Variants in RDX observed in about 807,000 individuals in gnomAD.
The protein encoded by RDX is deafness, autosomal recessive 24.
In RDX, 32 loss-of-function variants were observed where a neutral mutation model predicts 83.7. The ratio of observed to expected loss-of-function variants is 0.38; its 90% CI spans 0.29 to 0.51. RDX has a LOEUF of 0.51. RDX is among the 20% of genes least tolerant of loss of function. The pLI is 0.87. For missense variants in RDX, 600 were observed against 689.9 expected (o/e 0.87, Z 1.46); for synonymous variants, 229 against 222.7 (o/e 1.03, Z -0.25).
chr11:110,247,314 T>A (rs183787396), intron 10 of RDX, among the ~76,000 whole-genome samples: 2 of 152,334 alleles, frequency 1.3e-5, no homozygotes, highest in East Asian at 3.9e-4. Context: ...ATTACTTTAA[T>A]TACTTAAATG....
intron 10 of RDX, among the ~76,000 whole-genome samples, chr11:110,245,150 C>T (rs1167451369): frequency 6.6e-6 from 1 of 152,142 alleles, no homozygotes; most frequent in Non-Finnish European, 1.5e-5. Flanking sequence ...TTACACTCCA[C>T]CGTGTTGGCC....
At chr11:110,242,632 C>T (rs749064261) in intron 10 of RDX, among the ~76,000 whole-genome samples, 5 of 151,972 alleles carry the variant, frequency 3.3e-5, no homozygotes, top group Non-Finnish European at 7.4e-5. Context: ...TGAAAAATGA[C>T]AGATAAGGCA....
At chr11:110,224,094 CA>C (rs1402280987) in intron 14 of RDX, among the ~76,000 whole-genome samples, 1 of 151,964 alleles carries the variant, frequency 6.6e-6, no homozygotes, top group Non-Finnish European at 1.5e-5. Context: ...AGAGTTGTCA[CA>C]GCCAGGAAAT....
chr11:110,263,004 G>C (rs144184879), intron 5 of RDX, among the ~76,000 whole-genome samples: 1 of 152,312 alleles, frequency 6.6e-6, no homozygotes, highest in East Asian at 1.9e-4. Flanking sequence ...GCCAGGAGCA[G>C]TGGCTCACGC....
chr11:110,267,515 A>AACAC (rs71053877), intron 3 of RDX, among the ~76,000 whole-genome samples: 12,681 of 131,260 alleles, frequency 0.097, 613 homozygotes, highest in Non-Finnish European at 0.12. Flanking sequence ...TCCGTCTCAA[A>AACAC]ACACACACAC....
Position 110,258,205 on chromosome 11 carries a change from A to C in RDX, c.468-16T>G. The C allele has an allele frequency of 6.6e-7, 1 of 1,524,212 alleles. No individual in the cohort carries two copies. The highest frequency in any genetic ancestry group is 1.4e-5 in the African/African-American group (1 of 72,048). The allele number at this position is 1,524,212 out of a possible 1,614,324, so 94.4% of individuals were successfully genotyped here. A position where few individuals can be genotyped will look rare whatever the true frequency, so the allele number is the denominator to read the frequency against. On this transcript the variant is annotated splice_polypyrimidine_tract_variant and intron_variant, in intron 5 of 13. Transcript: ENST00000645495. ...TTCCAATACACTAAGAGGACCAAAAAAAAAAAAAAATTATAATGACTTTAA... is the reference window on the plus strand; with the variant it reads ...TTCCAATACACTAAGAGGACCAAAACAAAAAAAAAATTATAATGACTTTAA...
At chr11:110,232,979 T>C (rs953849082) in intron 13 of RDX, among the ~76,000 whole-genome samples, 4 of 152,238 alleles carry the variant, frequency 2.6e-5, no homozygotes, top group African/African-American at 9.6e-5. Context: ...TAGAATACTT[T>C]CTACCTTTTA....
At chr11:110,193,431 C>T (rs1231010520) in intron 15 of RDX, among the ~76,000 whole-genome samples, 2 of 152,044 alleles carry the variant, frequency 1.3e-5, no homozygotes, top group African/African-American at 4.8e-5. Flanking sequence ...GCTCACTACC[C>T]GGGTGACAGG....
chr11:110,223,212 C>T (rs979773418), intron 14 of RDX, among the ~76,000 whole-genome samples: 1 of 151,902 alleles, frequency 6.6e-6, no homozygotes, highest in African/African-American at 2.4e-5. Flanking sequence ...ATTAGCCAGG[C>T]GTGGTGGTGG....
chr11:110,275,766 C>A (rs1860488441), intron 2 of RDX, among the ~76,000 whole-genome samples: 2 of 149,402 alleles, frequency 1.3e-5, no homozygotes. Flanking sequence ...CACACAGATA[C>A]CAGTTTTTTA....
At chr11:110,245,320 A>G (rs1375939174) in intron 10 of RDX, among the ~76,000 whole-genome samples, 3 of 152,172 alleles carry the variant, frequency 2.0e-5, no homozygotes, top group African/African-American at 7.2e-5. Flanking sequence ...TAATCCCAGC[A>G]CTTTGGGAGG....
chr11:110,182,247 C>T (rs1862902585), intron 15 of RDX, among the ~76,000 whole-genome samples: 1 of 152,204 alleles, frequency 6.6e-6, no homozygotes, highest in African/African-American at 2.4e-5. Context: ...AGACGCCTTC[C>T]AGCCACTCAT....
At chr11:110,211,002 A>C (rs1207046062) in intron 14 of RDX, among the ~76,000 whole-genome samples, 1 of 152,210 alleles carries the variant, frequency 6.6e-6, no homozygotes, top group Non-Finnish European at 1.5e-5. Context: ...TATTCACTTT[A>C]AATGTAAATG....
intron 2 of RDX, among the ~76,000 whole-genome samples, chr11:110,276,233 AAAT>A (rs1462982291): frequency 2.6e-5 from 4 of 152,324 alleles, no homozygotes; most frequent in Non-Finnish European, 5.9e-5. Flanking sequence ...ATATGAATGA[AAAT>A]AATACAGGGT....
chr11:110,211,383 T>C (rs927264871), intron 14 of RDX, among the ~76,000 whole-genome samples: 3 of 151,242 alleles, frequency 2.0e-5, no homozygotes, highest in African/African-American at 7.3e-5. Context: ...ACATTAATAA[T>C]GGGAGACTTT....
chr11:110,241,196 C>T (rs1229180584), intron 10 of RDX, among the ~76,000 whole-genome samples: 1 of 152,002 alleles, frequency 6.6e-6, no homozygotes, highest in Non-Finnish European at 1.5e-5. Flanking sequence ...ATGTATACGG[C>T]ACTGGATGTT....
chr11:110,226,069 A>AC (rs1864424764), downstream of RDX, among the ~76,000 whole-genome samples: 1 of 149,988 alleles, frequency 6.7e-6, no homozygotes, highest in African/African-American at 2.4e-5. Flanking sequence ...TCCATCTCAA[A>AC]AAAAAAAAAA....
chr11:110,224,221 TAAAAAAAAAAAAC>T (rs1864356352), intron 14 of RDX, among the ~76,000 whole-genome samples: 1 of 146,358 alleles, frequency 6.8e-6, no homozygotes, highest in Admixed American at 6.9e-5. Flanking sequence ...ATATATATAT[TAAAAAAAAAAAAC>T]AAAAAAACAA....
Position 110,231,148 on chromosome 11 carries a change from C to CAGA in RDX, c.*720_*721insTCT, listed in dbSNP as rs1195765538. 94 of 152,218 alleles carry CAGA rather than the reference C, an allele frequency of 6.2e-4. 1 individual carries two copies. Among genetic ancestry groups the CAGA allele is most frequent in the African/African-American group, 2.2e-3 (91 of 41,488 alleles). 9.4% of individuals were successfully genotyped at this position (152,218 alleles called of 1,614,324 possible). On this transcript the variant is annotated 3_prime_UTR_variant, in exon 14 of 14. Transcript: ENST00000645495. The stretch of plus-strand genomic sequence containing the variant: ...TGAAATGGTAGGCAAAAAAAGCCAT[C>CAGA]AAAGGATCACAGGAGATAAAACACC...
Sources: gnomAD v4.1 joint callset for allele counts (sites outside exome capture counted in the v4.1 genomes callset) on GRCh38, gnomAD v4.1.1 for gene constraint, MANE v1.5 for transcripts, NCBI Gene and HGNC (gene_info 2026-07-23, HGNC 2026-07-21) for gene names.